Variants in LRMDA observed in about 807,000 individuals in gnomAD.
LRMDA encodes the protein leucine-rich melanocyte differentiation-associated protein.
A neutral mutation model predicts 29.8 loss-of-function variants in LRMDA; 18 were observed. That is an observed-to-expected ratio of 0.60 (90% CI 0.42 to 0.90). The LOEUF (loss-of-function observed/expected upper bound fraction) is 0.90. Among genes scored for constraint, LRMDA ranks in the 40% least tolerant of loss-of-function variants. The pLI is 0.00. For synonymous variants in LRMDA, 125 were observed against 109.4 expected, an observed-to-expected ratio of 1.14 and a Z score of -0.89; for missense variants, 273 against 273.9, an observed-to-expected ratio of 1.00 and a Z score of 0.02.
chr10:75,828,387 T>C (rs946613843), intron 2 of LRMDA, among the ~76,000 whole-genome samples: 4 of 152,218 alleles, frequency 2.6e-5, no homozygotes, highest in Non-Finnish European at 5.9e-5. Context: ...GTTTATATTG[T>C]CTGCCAAAAC....
chr10:76,114,227 C>T (rs1849628041), intron 5 of LRMDA, among the ~76,000 whole-genome samples: 1 of 152,212 alleles, frequency 6.6e-6, no homozygotes, highest in Admixed American at 6.5e-5. Context: ...TAATATGTCA[C>T]TCTTCTCTAT....
At chr10:76,140,982 C>T (rs1410905733) in intron 5 of LRMDA, among the ~76,000 whole-genome samples, 1 of 152,042 alleles carries the variant, frequency 6.6e-6, no homozygotes, top group Non-Finnish European at 1.5e-5. Context: ...TTCAAAATTG[C>T]CTACATTCCC....
intron 2 of LRMDA, among the ~76,000 whole-genome samples, chr10:75,757,096 G>A (rs1045074355): frequency 6.6e-6 from 1 of 152,226 alleles, no homozygotes; most frequent in East Asian, 1.9e-4. Flanking sequence ...CACCTGTGGT[G>A]AAGAGACAGC....
At chr10:76,066,334 A>C (rs765926863) in intron 5 of LRMDA, among the ~76,000 whole-genome samples, 1 of 152,222 alleles carries the variant, frequency 6.6e-6, no homozygotes, top group Non-Finnish European at 1.5e-5. Flanking sequence ...TTAAGTAGTC[A>C]CTGTCTGCTA....
chr10:76,320,981 T>A (rs572691756), intron 5 of LRMDA, among the ~76,000 whole-genome samples: 70 of 152,346 alleles, frequency 4.6e-4, no homozygotes, highest in African/African-American at 1.5e-3. Flanking sequence ...CTGTATTAAA[T>A]TTTTAGACCT....
chr10:75,776,979 C>T (rs1206317394), intron 2 of LRMDA, among the ~76,000 whole-genome samples: 11 of 152,254 alleles, frequency 7.2e-5, no homozygotes, highest in East Asian at 1.9e-4. Flanking sequence ...GCTTAAGGAG[C>T]GAGGAGGGGG....
chr10:75,510,603 T>C (rs1309513318), intron 2 of LRMDA, among the ~76,000 whole-genome samples: 1 of 152,224 alleles, frequency 6.6e-6, no homozygotes, highest in African/African-American at 2.4e-5. Flanking sequence ...GAGATTTGGA[T>C]AGATGAAATC....
chr10:76,404,334 A>T (rs1217901380), intron 6 of LRMDA, among the ~76,000 whole-genome samples: 1 of 152,132 alleles, frequency 6.6e-6, no homozygotes, highest in African/African-American at 2.4e-5. Flanking sequence ...TTTAGCAGTA[A>T]TTTTTAAATG....
At chr10:75,798,254 C>T (rs972625386) in intron 2 of LRMDA, among the ~76,000 whole-genome samples, 3 of 151,966 alleles carry the variant, frequency 2.0e-5, no homozygotes, top group African/African-American at 7.2e-5. Context: ...TATTTTCTCC[C>T]AGCCTGTGGG....
At chr10:76,267,436 T>C (rs1840020360) in intron 5 of LRMDA, among the ~76,000 whole-genome samples, 2 of 152,166 alleles carry the variant, frequency 1.3e-5, no homozygotes, top group South Asian at 4.1e-4. Context: ...AACCCTTTTT[T>C]ATCACTCCAG....
At chr10:76,120,034 A>G (rs1849752795) in intron 5 of LRMDA, among the ~76,000 whole-genome samples, 1 of 152,060 alleles carries the variant, frequency 6.6e-6, no homozygotes, top group Non-Finnish European at 1.5e-5. Context: ...TGCAGCTTCT[A>G]TCTTCCCAGA....
At chr10:76,515,218 A>G (rs1843048022) in intron 6 of LRMDA, among the ~76,000 whole-genome samples, 2 of 152,174 alleles carry the variant, frequency 1.3e-5, no homozygotes, top group Admixed American at 1.3e-4. Flanking sequence ...ATGTGGGAGT[A>G]TGTGGAAATG....
chr10:76,201,955 G>A (rs1455807321), intron 5 of LRMDA, among the ~76,000 whole-genome samples: 1 of 152,106 alleles, frequency 6.6e-6, no homozygotes, highest in East Asian at 1.9e-4. Flanking sequence ...ACAGGTCTTT[G>A]GTCTCAGCTG....
chr10:76,185,644 G>A (rs190974334), intron 5 of LRMDA, among the ~76,000 whole-genome samples: 27 of 152,310 alleles, frequency 1.8e-4, no homozygotes, highest in African/African-American at 4.3e-4. Context: ...ATGTGAAAGC[G>A]TTGGTGTCCT....
chr10:76,244,069 C>T (rs900848509), intron 5 of LRMDA, among the ~76,000 whole-genome samples: 2 of 152,108 alleles, frequency 1.3e-5, no homozygotes, highest in Admixed American at 6.6e-5. Flanking sequence ...TGTTTTAAGC[C>T]ACCAAGTTTA....
At chr10:76,339,679 A>C (rs1841013220) in intron 6 of LRMDA, among the ~76,000 whole-genome samples, 1 of 151,998 alleles carries the variant, frequency 6.6e-6, no homozygotes, top group South Asian at 2.1e-4. Context: ...TTGACATTTA[A>C]CATTAGGAAT....
intron 2 of LRMDA, among the ~76,000 whole-genome samples, chr10:75,920,586 T>C (rs1846010439): frequency 6.6e-6 from 1 of 152,172 alleles, no homozygotes. Context: ...CCAAAGTATA[T>C]AGAGGAAAAT....
At chr10:76,407,512 C>T (rs571628313) in intron 6 of LRMDA, among the ~76,000 whole-genome samples, 1 of 152,200 alleles carries the variant, frequency 6.6e-6, no homozygotes, top group Admixed American at 6.5e-5. Context: ...TCTTCTCAAC[C>T]TTGAGATTTG....
intron 5 of LRMDA, among the ~76,000 whole-genome samples, chr10:76,148,393 G>A (rs1046593790): frequency 2.1e-4 from 32 of 152,086 alleles, no homozygotes; most frequent in African/African-American, 6.8e-4. Flanking sequence ...GGGCAATGGC[G>A]GGAACCCCTC....
Sources: allele counts gnomAD v4.1 joint callset (sites outside exome capture counted in the v4.1 genomes callset), GRCh38; gene constraint gnomAD v4.1.1; transcripts MANE v1.5; gene names NCBI Gene and HGNC (gene_info 2026-07-23, HGNC 2026-07-21).